The following GRHL2 variants were observed in gnomAD, a reference collection of about 807,000 sequenced individuals.
GRHL2 encodes the protein grainyhead-like protein 2 homolog.
A neutral mutation model predicts 83.8 loss-of-function variants in GRHL2; 21 were observed. The observed-to-expected ratio is 0.25, with a 90% CI of 0.18 to 0.36. The LOEUF (loss-of-function observed/expected upper bound fraction) is 0.36, where lower values mean the gene tolerates loss of function less well. Ranked by LOEUF, GRHL2 falls within the 10% of genes least tolerant of loss-of-function variation. The pLI is 1.00. For missense variants in GRHL2, 623 were observed against 781.8 expected (o/e 0.80, Z 2.42); for synonymous variants, 280 against 278.9 (o/e 1.00, Z -0.04).
chr8:101,673,212 T>A (rs981855370), downstream of GRHL2, among the ~76,000 whole-genome samples: 1 of 151,588 alleles, frequency 6.6e-6, no homozygotes, highest in Non-Finnish European at 1.5e-5. Context: ...AATATTAACC[T>A]TAAATGTAAA....
chr8:101,545,944 C>T (rs371964907), intron 2 of GRHL2, among the ~76,000 whole-genome samples: 4 of 130,052 alleles, frequency 3.1e-5, no homozygotes, highest in South Asian at 2.5e-4. Flanking sequence ...TGCAGTGGCA[C>T]GATCTTGGCT....
chr8:101,669,931 G>T (rs1403246986), downstream of GRHL2, among the ~76,000 whole-genome samples: 3 of 152,182 alleles, frequency 2.0e-5, no homozygotes, highest in African/African-American at 2.4e-5. Context: ...AACTTCCAGG[G>T]CTTGTGTGTG....
intron 4 of GRHL2, among the ~76,000 whole-genome samples, chr8:101,566,145 C>T (rs1052482413): frequency 2.0e-5 from 3 of 152,134 alleles, no homozygotes; most frequent in Non-Finnish European, 4.4e-5. Context: ...TTATGTTTAT[C>T]TTAAACATAT....
At chr8:101,522,687 A>G (rs771462154) in intron 1 of GRHL2, among the ~76,000 whole-genome samples, 1 of 152,080 alleles carries the variant, frequency 6.6e-6, no homozygotes, top group Non-Finnish European at 1.5e-5. Context: ...TGAGTACCTC[A>G]GGCCATTGCC....
chr8:101,543,750 A>G (rs1811203204), intron 2 of GRHL2: 2 of 367,626 alleles, frequency 5.4e-6, no homozygotes, highest in Non-Finnish European at 1.0e-5. Flanking sequence ...TTACTTTAGG[A>G]TTATTATTTT....
Position 101,551,961 on chromosome 8 carries a change from G to A in GRHL2, c.217-754G>A, listed in dbSNP as rs995536762. Among the ~76,000 whole-genome samples, 4 of 151,620 alleles carry A rather than the reference G, an allele frequency of 2.6e-5. No homozygotes were observed. The East Asian group carries it at 7.8e-4, about 30-fold the overall frequency. On this transcript the variant is annotated intron_variant, in intron 2 of 15. Coordinates refer to ENST00000646743, the MANE Select transcript of GRHL2 (RefSeq NM_024915.4). ...CGCCATTCTCTGGCCTCAGCCTCCT[G>A]AGTAGCTGGGACTACAGGTGCCTGC... is the stretch of plus-strand genomic sequence containing the variant.
At position 101,573,806 on chromosome 8, in the gene GRHL2, C is replaced by A. The variant is rs771529678; in HGVS notation, c.873C>A (p.His291Gln). ...CCGGAGACAACAAATGCTTCCGACA[C>A]CCCATCAGCAAAGTCAGGGTAGGGG... Reference protein sequence around the residue: ...SETGDNKCFRHPISKVRSVVM... With the variant: ...SETGDNKCFRQPISKVRSVVM... The change falls in exon 6 of 16, where the codon CAC becomes CAA. Residue 291 changes from histidine to glutamine, a missense_variant. Coordinates refer to ENST00000646743, the MANE Select transcript of GRHL2 (RefSeq NM_024915.4). 2.8e-5 allele frequency: 45 copies of A among 1,614,060 alleles called. No individual in the cohort carries two copies. Among genetic ancestry groups the A allele is most frequent in the Non-Finnish European group, 3.8e-5 (45 of 1,180,052 alleles).
intron 1 of GRHL2, among the ~76,000 whole-genome samples, chr8:101,521,749 C>T (rs1810688655): frequency 6.6e-6 from 1 of 152,072 alleles, no homozygotes; most frequent in South Asian, 2.1e-4. Context: ...TATACTTGGA[C>T]TTATATACCT....
chr8:101,502,749 C>T lies in GRHL2; in HGVS notation c.20+9960C>T, dbSNP rs144146578. Among the ~76,000 whole-genome samples the T allele has an allele frequency of 6.8e-3, 1,028 of 151,960 alleles. 5 individuals carry two copies. Among genetic ancestry groups the T allele is most frequent in the Non-Finnish European group, 0.011 (751 of 67,942 alleles). On this transcript the variant is annotated intron_variant, in intron 1 of 15. Transcript: ENST00000646743. The stretch of plus-strand genomic sequence containing the variant: ...TGACCTCCTCCTCCTCCTCCTCCTC[C>T]TCTTCCTCCTATTCTTTCTCCTCTT...
chr8:101,563,320 T>C (rs1272345135), intron 4 of GRHL2, among the ~76,000 whole-genome samples: 1 of 152,218 alleles, frequency 6.6e-6, no homozygotes, highest in Non-Finnish European at 1.5e-5. Flanking sequence ...ACCAAAATCT[T>C]TTTAAAAACA....
intron 4 of GRHL2, among the ~76,000 whole-genome samples, chr8:101,566,664 A>T (rs1811725265): frequency 6.7e-6 from 1 of 150,206 alleles, no homozygotes; most frequent in Non-Finnish European, 1.5e-5. Flanking sequence ...TTTTTTACTT[A>T]TCCCAAGTCT....
intron 1 of GRHL2, among the ~76,000 whole-genome samples, chr8:101,503,045 T>C (rs541041624): frequency 6.6e-6 from 1 of 152,306 alleles, no homozygotes; most frequent in African/African-American, 2.4e-5. Context: ...GGGCACACAA[T>C]GATCATTTAT....
At position 101,572,484 on chromosome 8, in the gene GRHL2, C is replaced by G. The variant is rs930232364; in HGVS notation, c.735-1184C>G. Among the ~76,000 whole-genome samples the G allele has an allele frequency of 3.3e-5, 5 of 152,028 alleles. No individual in the cohort carries two copies. The East Asian group carries it at 5.8e-4, about 18-fold the overall frequency. On this transcript the variant is annotated intron_variant, in intron 5 of 15. Coordinates refer to ENST00000646743, the MANE Select transcript of GRHL2 (RefSeq NM_024915.4). ...TTACAGGAATATTTAACATAGAAAG[C>G]AAGAGCCCCCCATAATCCTGTCAGG...
At chr8:101,511,273 G>A (rs995532604) in intron 1 of GRHL2, among the ~76,000 whole-genome samples, 8 of 152,056 alleles carry the variant, frequency 5.3e-5, no homozygotes, top group East Asian at 1.9e-4. Context: ...TCATAGAAGC[G>A]GAACCTTTGG....
intron 8 of GRHL2, among the ~76,000 whole-genome samples, chr8:101,606,684 T>C (rs1317660913): frequency 1.3e-5 from 2 of 152,340 alleles, no homozygotes; most frequent in Non-Finnish European, 2.9e-5. Context: ...TGTTGTGAGA[T>C]GTGACTAGAG....
At chr8:101,507,637 G>A (rs1045807093) in intron 1 of GRHL2, among the ~76,000 whole-genome samples, 4 of 151,808 alleles carry the variant, frequency 2.6e-5, no homozygotes, top group Admixed American at 1.3e-4. Flanking sequence ...AGCTTTCCAT[G>A]ACAATAAATA....
chr8:101,558,147 G>A (rs1811525064), intron 3 of GRHL2, among the ~76,000 whole-genome samples: 1 of 152,188 alleles, frequency 6.6e-6, no homozygotes, highest in Admixed American at 6.5e-5. Flanking sequence ...TTACAGGCAT[G>A]AGGCACCGCG....
chr8:101,573,569 T>A, intron 5 of GRHL2, 99 bp from the exon 6 acceptor site: 1 of 1,415,476 alleles, frequency 7.1e-7, no homozygotes, highest in South Asian at 1.2e-5. Flanking sequence ...ACAGTAAACA[T>A]TGGTTAATGT....
chr8:101,573,627 C>A, intron 5 of GRHL2, 41 bp from the exon 6 acceptor site: 2 of 1,612,926 alleles, frequency 1.2e-6, no homozygotes, highest in South Asian at 1.1e-5. Flanking sequence ...GCAGAAATGT[C>A]CAAGTGAGTG....
Sources: allele counts gnomAD v4.1 joint callset (sites outside exome capture counted in the v4.1 genomes callset), GRCh38; gene constraint gnomAD v4.1.1; transcripts MANE v1.5; gene names NCBI Gene and HGNC (gene_info 2026-07-23, HGNC 2026-07-21).